FAT1: variants seen among roughly 807,000 people sequenced by gnomAD.
FAT1 encodes the protein FAT atypical cadherin 1.
In FAT1, 171 loss-of-function variants were observed where a neutral mutation model predicts 329.8. The ratio of observed to expected loss-of-function variants is 0.52; its 90% confidence interval spans 0.46 to 0.59. The LOEUF (loss-of-function observed/expected upper bound fraction) is 0.59. Ranked by LOEUF, FAT1 falls within the 20% of genes least tolerant of loss-of-function variation. The pLI is 0.00. For synonymous variants in FAT1, 2,233 were observed against 2,228.6 expected, an observed-to-expected ratio of 1.00 and a Z score of -0.06; for missense variants, 5,672 against 5,774.4, an observed-to-expected ratio of 0.98 and a Z score of 0.57.
At position 186,709,585 on chromosome 4, in the gene FAT1, GTTT is replaced by G. The variant is rs761797660; in HGVS notation, c.240_242del (p.Glu80_Asn81delinsAsp). 2.5e-6 allele frequency: 4 copies of G among 1,613,810 alleles called. No homozygotes were observed. In the African/African-American group the frequency reaches 5.3e-5, roughly 22 times the overall value. On this transcript the variant is annotated inframe_deletion, in exon 2 of 27. Coordinates refer to ENST00000441802, the MANE Select transcript of FAT1 (RefSeq NM_005245.4). ...GAATGTACTCTTCAGCTTTGAACAG[GTTT>G]TCACTGTCTCCGGAAACAATTTTGT...
intron 18 of FAT1, 42 bp from the exon 19 acceptor site, chr4:186,604,019 T>C (rs1738969739): frequency 2.8e-6 from 4 of 1,424,688 alleles, no homozygotes; most frequent in Non-Finnish European, 3.9e-6. Context: ...TCTATGGCAC[T>C]GTTTATAACT....
In FAT1 at chr4:186,636,191, G is replaced by A. The variant is rs1303183631; in HGVS notation, c.4017C>T (p.Thr1339=). ...DNGRPQKSST[T]RLHIEWISKP... ...TGGAGATCCATTCAATATGGAGTCT[G>A]GTGGTTGATGACTTTTGAGGGCGAC... Residue 1339 remains threonine (T), a synonymous_variant, in exon 6 of 27, where the codon ACC becomes ACT. Transcript: ENST00000441802. The A allele has an allele frequency of 1.9e-6, 3 of 1,614,004 alleles. No homozygotes were observed. The highest frequency in any genetic ancestry group is 3.3e-5 in the Admixed American group (2 of 60,028).
intron 22 of FAT1, among the ~76,000 whole-genome samples, chr4:186,599,404 C>T (rs1431101138): frequency 1.3e-5 from 2 of 152,074 alleles, no homozygotes; most frequent in African/African-American, 4.8e-5. Flanking sequence ...ACAAAGTACC[C>T]CACTACGCCA....
At chr4:186,646,062 C>T (rs1235373621) in intron 3 of FAT1, among the ~76,000 whole-genome samples, 1 of 150,578 alleles carries the variant, frequency 6.6e-6, no homozygotes, top group Non-Finnish European at 1.5e-5. Flanking sequence ...GATTCAGGTC[C>T]AACTGCAACA....
intron 2 of FAT1, among the ~76,000 whole-genome samples, chr4:186,697,872 A>G (rs1744113300): frequency 6.6e-6 from 1 of 152,184 alleles, no homozygotes; most frequent in South Asian, 2.1e-4. Flanking sequence ...CAGGATTCCA[A>G]GAAGACGGTC....
At chr4:186,625,330 C>T (rs1295475420) in intron 9 of FAT1, among the ~76,000 whole-genome samples, 1 of 152,200 alleles carries the variant, frequency 6.6e-6, no homozygotes, top group African/African-American at 2.4e-5. Context: ...ACTAACTACA[C>T]TACATTTTAA....
chr4:186,601,999 G>A (rs549772479), intron 20 of FAT1, among the ~76,000 whole-genome samples: 20 of 152,264 alleles, frequency 1.3e-4, no homozygotes, highest in Middle Eastern at 3.4e-3. Context: ...TCTACACATT[G>A]ATACTAAGAA....
chr4:186,613,851 G>A (rs1185620798), intron 12 of FAT1, among the ~76,000 whole-genome samples: 1 of 152,114 alleles, frequency 6.6e-6, no homozygotes, highest in Non-Finnish European at 1.5e-5. Context: ...ACCAATTCAA[G>A]AAAATATGCT....
chr4:186,703,280 G>A (rs1049167820), intron 2 of FAT1, among the ~76,000 whole-genome samples: 8 of 152,310 alleles, frequency 5.3e-5, no homozygotes, highest in East Asian at 1.9e-4. Flanking sequence ...AGGACTGTCC[G>A]TTTGGTGACA....
chr4:186,642,334 C>T (rs1365241854), intron 3 of FAT1, among the ~76,000 whole-genome samples: 5 of 152,110 alleles, frequency 3.3e-5, no homozygotes, highest in African/African-American at 7.2e-5. Context: ...TATTAAAGCC[C>T]CTCATTTAAA....
intron 6 of FAT1, 63 bp from the exon 7 acceptor site, chr4:186,633,886 G>A (rs1201483326): frequency 6.4e-7 from 1 of 1,572,838 alleles, no homozygotes; most frequent in African/African-American, 1.4e-5. Context: ...TTATTCTGTG[G>A]CTTTCTCATA....
chr4:186,651,377 A>C (rs1026135071), intron 3 of FAT1, among the ~76,000 whole-genome samples: 1 of 152,118 alleles, frequency 6.6e-6, no homozygotes, highest in Non-Finnish European at 1.5e-5. Context: ...AGAGCTGTAC[A>C]ATGGGTGGAC....
At chr4:186,689,427 C>T (rs533722954) in intron 2 of FAT1, among the ~76,000 whole-genome samples, 1 of 152,254 alleles carries the variant, frequency 6.6e-6, no homozygotes, top group South Asian at 2.1e-4. Flanking sequence ...TCCAATGACC[C>T]ATCATGGACA....
At chr4:186,672,951 T>C (rs1218797534) in intron 2 of FAT1, among the ~76,000 whole-genome samples, 1 of 152,190 alleles carries the variant, frequency 6.6e-6, no homozygotes, top group Non-Finnish European at 1.5e-5. Flanking sequence ...GCGAATTTCA[T>C]TGTATCGGGA....
intron 2 of FAT1, among the ~76,000 whole-genome samples, chr4:186,680,720 G>A (rs1743170552): frequency 6.6e-6 from 1 of 152,220 alleles, no homozygotes; most frequent in African/African-American, 2.4e-5. Context: ...AGACAAGGAA[G>A]TCCAGGGAAT....
intron 2 of FAT1, among the ~76,000 whole-genome samples, chr4:186,694,078 A>C (rs964137655): frequency 2.0e-5 from 3 of 152,008 alleles, no homozygotes; most frequent in Non-Finnish European, 4.4e-5. Context: ...CCTCTCATCT[A>C]ACCCATCCAC....
upstream of FAT1, among the ~76,000 whole-genome samples, chr4:186,724,814 T>C (rs964282645): frequency 2.6e-5 from 4 of 152,136 alleles, no homozygotes; most frequent in Admixed American, 6.5e-5. This position sits in a 1 kb window ranked among gnomAD's most constrained non-coding sequence, Gnocchi z 5.3. Context: ...CTCGGAAAGT[T>C]TGTGGGACTC....
intron 2 of FAT1, among the ~76,000 whole-genome samples, chr4:186,698,241 C>T (rs74889420): frequency 0.012 from 1,866 of 152,300 alleles, 43 homozygotes; most frequent in African/African-American, 0.043. Context: ...AGGCCGCGCA[C>T]TGAGTCATAC....
chr4:186,592,593 A>G (rs1738297700), intron 26 of FAT1: 1 of 434,180 alleles, frequency 2.3e-6, no homozygotes, highest in Non-Finnish European at 4.6e-6. Flanking sequence ...CCTCAAAACC[A>G]CAAACTGTTT....
Sources: gnomAD v4.1 joint callset for allele counts (sites outside exome capture counted in the v4.1 genomes callset) on GRCh38, gnomAD v4.1.1 for gene constraint, Gnocchi (gnomAD v3.1) non-coding constraint, MANE v1.5 for transcripts, NCBI Gene and HGNC (gene_info 2026-07-23, HGNC 2026-07-21) for gene names.